XDH: variants seen among roughly 807,000 people sequenced by gnomAD.
XDH encodes the protein xanthine dehydrogenase, also known as xanthine dehydrogenase/oxidase.
In XDH, 138 loss-of-function variants were observed where a neutral mutation model predicts 156.1. The ratio of observed to expected loss-of-function variants is 0.88; its 90% CI spans 0.77 to 1.02. The LOEUF is 1.02. XDH is among the 50% of genes least tolerant of loss of function. The pLI is 0.00. For synonymous variants in XDH, 669 were observed against 625.7 expected, an observed-to-expected ratio of 1.07 and a Z score of -1.03; for missense variants, 1,849 against 1,684.9, an observed-to-expected ratio of 1.10 and a Z score of -1.71.
At chr2:31,376,395 T>C (rs1438868160) in intron 14 of XDH, among the ~76,000 whole-genome samples, 2 of 149,426 alleles carry the variant, frequency 1.3e-5, no homozygotes, top group Admixed American at 1.3e-4. Context: ...CTACTGTTAG[T>C]AGTAATAGTA....
chr2:31,360,916 T>C (rs1685760925), intron 24 of XDH, among the ~76,000 whole-genome samples: 1 of 152,240 alleles, frequency 6.6e-6, no homozygotes, highest in Non-Finnish European at 1.5e-5. Context: ...TTGGAATGTA[T>C]CTCTTGCAGA....
chr2:31,387,281 T>G (rs1386083808), intron 8 of XDH, among the ~76,000 whole-genome samples: 1 of 152,204 alleles, frequency 6.6e-6, no homozygotes, highest in Non-Finnish European at 1.5e-5. Flanking sequence ...AGTGGCTTGA[T>G]TCTTTCGTTG....
At chr2:31,391,240 T>C (rs1054403919) in intron 6 of XDH, among the ~76,000 whole-genome samples, 28 of 152,230 alleles carry the variant, frequency 1.8e-4, no homozygotes, top group East Asian at 5.8e-4. Flanking sequence ...CTTTGCTCCA[T>C]CGTATCGCCT....
At chr2:31,394,414 G>C (rs1359890940) in intron 6 of XDH, among the ~76,000 whole-genome samples, 3 of 152,122 alleles carry the variant, frequency 2.0e-5, no homozygotes, top group Non-Finnish European at 4.4e-5. Flanking sequence ...CTATAGGTGA[G>C]GGGTGTTTTC....
At chr2:31,376,154 A>G (rs1383987885) in intron 14 of XDH, among the ~76,000 whole-genome samples, 2 of 151,942 alleles carry the variant, frequency 1.3e-5, no homozygotes, top group African/African-American at 4.8e-5. Context: ...AATAGTAGCA[A>G]TAACAGAGCA....
At chr2:31,381,766 G>A (rs777384974) in intron 11 of XDH, 40 bp from the exon 12 acceptor site, 2 of 1,573,404 alleles carry the variant, frequency 1.3e-6, no homozygotes, top group South Asian at 1.1e-5. Context: ...GCCCACCCCA[G>A]GAAACCCCTG....
chr2:31,377,293 T>G, intron 13 of XDH, 56 bp from the exon 14 acceptor site: 2 of 1,606,228 alleles, frequency 1.2e-6, no homozygotes, highest in Non-Finnish European at 1.7e-6. Flanking sequence ...GGGCTGCAAA[T>G]GGCAGACCCA....
At chr2:31,409,175 G>A (rs1172261939) in intron 1 of XDH, among the ~76,000 whole-genome samples, 1 of 152,108 alleles carries the variant, frequency 6.6e-6, no homozygotes. Flanking sequence ...AGTAGGGATG[G>A]CTAATAGGTA....
chr2:31,386,993 AAGGAAGGAAG>A (rs1379137397), intron 8 of XDH, among the ~76,000 whole-genome samples: 9 of 8,020 alleles, frequency 1.1e-3, no homozygotes, highest in African/African-American at 4.2e-3. Context: ...GGAAGAAAGG[AAGGAAGGAAG>A]GAAGGAAGGA....
intron 7 of XDH, 119 bp from the exon 8 acceptor site, chr2:31,388,016 G>A: frequency 3.2e-6 from 4 of 1,236,766 alleles, no homozygotes; most frequent in Non-Finnish European, 2.3e-6. Context: ...GCTGCAAGAG[G>A]AGCAGGTAAT....
intron 24 of XDH, among the ~76,000 whole-genome samples, chr2:31,353,074 G>T (rs1201664492): frequency 1.3e-5 from 2 of 150,606 alleles, no homozygotes; most frequent in Non-Finnish European, 3.0e-5. Flanking sequence ...AACTACTATG[G>T]TTACAAAATT....
intron 24 of XDH, among the ~76,000 whole-genome samples, chr2:31,351,832 T>C (rs1299575824): frequency 1.3e-5 from 2 of 152,264 alleles, no homozygotes; most frequent in African/African-American, 2.4e-5. Flanking sequence ...ATTTTACTAG[T>C]ACATTCTAGC....
chr2:31,401,572 C>T (rs996966945), intron 3 of XDH, among the ~76,000 whole-genome samples: 1 of 152,198 alleles, frequency 6.6e-6, no homozygotes, highest in African/African-American at 2.4e-5. Flanking sequence ...GGCATCAGAG[C>T]ATCCTCAGCC....
At chr2:31,357,072 C>T (rs1230987823) in intron 24 of XDH, among the ~76,000 whole-genome samples, 1 of 152,050 alleles carries the variant, frequency 6.6e-6, no homozygotes, top group Non-Finnish European at 1.5e-5. Context: ...CATACCAAAA[C>T]TTATGGGACC....
intron 29 of XDH, 46 bp downstream of exon 29, chr2:31,347,476 G>A (rs1445372754): frequency 1.2e-6 from 2 of 1,612,244 alleles, no homozygotes; most frequent in Non-Finnish European, 1.7e-6. Flanking sequence ...CAGGCCCACA[G>A]CTCTGGGCTG....
In XDH at chr2:31,383,039, G is replaced by C. The variant is rs1368319102; in HGVS notation, c.1000C>G (p.Leu334Val). 3 of 1,614,200 alleles carry C rather than the reference G, an allele frequency of 1.9e-6. No individual in the cohort carries two copies. In the South Asian group the frequency reaches 3.3e-5, roughly 18 times the overall value. The part of the protein sequence containing the change: ...TEVFRGVLEQ[L>V]RWFAGKQVKS... Reference sequence around the variant, plus strand: ...ACTTGCTTCCCAGCAAACCAGCGCAGCTGCTCCAGGACCCCTCTGAACACC... The same window carrying C: ...ACTTGCTTCCCAGCAAACCAGCGCACCTGCTCCAGGACCCCTCTGAACACC... Residue 334 changes from leucine to valine, a missense_variant, in exon 11 of 36, where the codon CTG becomes GTG. Leu to Val is a conservative substitution (Grantham distance 32). Transcript: ENST00000379416.
chr2:31,392,352 CT>C lies in XDH; in HGVS notation c.496-4058del, dbSNP rs879351326. On this transcript the variant is annotated intron_variant, in intron 6 of 35. Transcript: ENST00000379416. ...TCAGCTTACTTTGAATTTAATTTGC[CT>C]TTTTTTTTCTAGTTTTCTAAAGTGG... Among the ~76,000 whole-genome samples the C allele has an allele frequency of 2.1e-3, 315 of 149,726 alleles. 1 individual carries two copies. The highest frequency in any genetic ancestry group is 3.4e-3 in the Middle Eastern group (1 of 292).
At chr2:31,388,100 T>C in intron 7 of XDH, 127 bp downstream of exon 7, 1 of 1,158,032 alleles carries the variant, frequency 8.6e-7, no homozygotes, top group South Asian at 1.3e-5. Flanking sequence ...ATCCCCACAG[T>C]CTGCCATCAC....
At chr2:31,353,146 A>C (rs1685528951) in intron 24 of XDH, among the ~76,000 whole-genome samples, 1 of 152,052 alleles carries the variant, frequency 6.6e-6, no homozygotes, top group Non-Finnish European at 1.5e-5. Context: ...CTCACAATTG[A>C]CTTTATTTCA....
Sources: gnomAD v4.1 joint callset for allele counts (sites outside exome capture counted in the v4.1 genomes callset) on GRCh38, gnomAD v4.1.1 for gene constraint, MANE v1.5 for transcripts, NCBI Gene and HGNC (gene_info 2026-07-23, HGNC 2026-07-21) for gene names.